Variants in AQP9 observed in about 807,000 individuals in gnomAD.
AQP9 encodes the protein aquaporin-9.
A neutral mutation model predicts 23.8 loss-of-function variants in AQP9; 19 were observed. The ratio of observed to expected loss-of-function variants is 0.80; its 90% confidence interval spans 0.56 to 1.17. The LOEUF (loss-of-function observed/expected upper bound fraction) is 1.17. AQP9 is among the 50% of genes most tolerant of loss of function. AQP9 has a pLI of 0.00. For missense variants in AQP9, 413 were observed against 362.0 expected (o/e 1.14, Z -1.14); for synonymous variants, 153 against 131.5 (o/e 1.16, Z -1.12).
intron 1 of AQP9, among the ~76,000 whole-genome samples, chr15:58,140,732 A>T (rs1003813092): frequency 6.6e-6 from 1 of 152,252 alleles, no homozygotes; most frequent in African/African-American, 2.4e-5. Flanking sequence ...ATGGCAGAGG[A>T]TATAAAGGAC....
At chr15:58,145,241 G>A (rs1198489494) in intron 1 of AQP9, among the ~76,000 whole-genome samples, 9 of 151,870 alleles carry the variant, frequency 5.9e-5, no homozygotes, top group Admixed American at 1.3e-4. Flanking sequence ...AATGGCTGAT[G>A]CCTGTAATCC....
chr15:58,175,053 C>T lies in AQP9; in HGVS notation c.495+17C>T, dbSNP rs1163399345. 1.3e-6 allele frequency: 2 copies of T among 1,587,196 alleles called. No homozygotes were observed. The highest frequency in any genetic ancestry group is 2.7e-5 in the African/African-American group (2 of 74,232). The stretch of plus-strand genomic sequence containing the variant: ...GCAGATCAAGTAAGTGTAGATTCAA[C>T]AAAGACTTAACTTTGGTGAAAAGAT... On this transcript the variant is annotated intron_variant, in intron 4 of 5. Transcript: ENST00000219919.
intron 1 of AQP9, among the ~76,000 whole-genome samples, chr15:58,144,995 T>A (rs1412776617): frequency 8.1e-6 from 1 of 123,396 alleles, no homozygotes; most frequent in Non-Finnish European, 1.6e-5. Flanking sequence ...GCCTGGGCGA[T>A]GAAGTGAGAC....
At chr15:58,173,299 A>T in intron 3 of AQP9, 94 bp downstream of exon 3, 6 of 1,544,288 alleles carry the variant, frequency 3.9e-6, no homozygotes, top group Non-Finnish European at 5.3e-6. Context: ...AAAAGCAAGG[A>T]CGGGAAGCAT....
chr15:58,181,695 G>A (rs1898891832), intron 5 of AQP9, among the ~76,000 whole-genome samples: 1 of 152,126 alleles, frequency 6.6e-6, no homozygotes, highest in Admixed American at 6.5e-5. Context: ...TGTTTTGTAG[G>A]TTATAGGGAG....
chr15:58,175,611 A>G (rs1056472769), intron 4 of AQP9, among the ~76,000 whole-genome samples: 2 of 152,204 alleles, frequency 1.3e-5, no homozygotes, highest in African/African-American at 4.8e-5. Context: ...AACATTGTCA[A>G]CTCAAAAGAC....
At chr15:58,177,298 C>T (rs1898780161) in intron 4 of AQP9, among the ~76,000 whole-genome samples, 1 of 152,226 alleles carries the variant, frequency 6.6e-6, no homozygotes. Flanking sequence ...CAGCTCTATA[C>T]TCTTCCTTCT....
chr15:58,139,530 G>T lies in AQP9; in HGVS notation c.111+854G>T, dbSNP rs74678760. Reference sequence around the variant, plus strand: ...ATGTGGCAACTATTGATTTCAACTGGTTTTTTTTATCCTGCTTAAGGATTT... The same window carrying T: ...ATGTGGCAACTATTGATTTCAACTGTTTTTTTTTATCCTGCTTAAGGATTT... On this transcript the variant is annotated intron_variant, in intron 1 of 5. Transcript: ENST00000219919. Among the ~76,000 whole-genome samples the T allele has an allele frequency of 5.4e-4, 82 of 152,070 alleles. 1 individual carries two copies. Among genetic ancestry groups the T allele is most frequent in the East Asian group, 3.9e-3 (20 of 5,180 alleles).
intron 1 of AQP9, chr15:58,154,202 C>T (rs1306686414): frequency 1.3e-5 from 2 of 152,164 alleles, no homozygotes; most frequent in Non-Finnish European, 2.9e-5. Flanking sequence ...GCTCCCCCAA[C>T]TCAAGTCTAT....
At chr15:58,165,085 C>T (rs1898470230) in intron 1 of AQP9, among the ~76,000 whole-genome samples, 1 of 152,120 alleles carries the variant, frequency 6.6e-6, no homozygotes, top group Non-Finnish European at 1.5e-5. Flanking sequence ...TTGCTCAATG[C>T]CAAGCCCTCC....
chr15:58,157,866 A>G (rs1335506998), intron 1 of AQP9, among the ~76,000 whole-genome samples: 7 of 152,284 alleles, frequency 4.6e-5, no homozygotes, highest in Middle Eastern at 3.4e-3. Flanking sequence ...GTCATCTCTG[A>G]GAAAGGAAGG....
In AQP9 at chr15:58,179,274, C is replaced by G; in HGVS notation, c.642C>G (p.Ala214=). 1.2e-6 allele frequency: 2 copies of G among 1,614,170 alleles called. No individual in the cohort carries two copies. Among genetic ancestry groups the G allele is most frequent in the Non-Finnish European group, 1.7e-6 (2 of 1,180,026 alleles). The part of the protein sequence containing the change: ...ASSLGLNSGC[A]MNPARDLSPR... ...CCCTGGGACTGAACAGTGGCTGTGC[C>G]ATGAACCCAGCTCGAGACCTGAGTC... The change falls in exon 5 of 6, where the codon GCC becomes GCG. Residue 214 remains alanine, a synonymous_variant. Coordinates refer to ENST00000219919, the MANE Select transcript of AQP9 (RefSeq NM_020980.5).
At chr15:58,179,406 G>A (rs1233213599) in intron 5 of AQP9, 61 bp downstream of exon 5, 8 of 1,457,902 alleles carry the variant, frequency 5.5e-6, no homozygotes, top group Non-Finnish European at 7.5e-6. Flanking sequence ...CAGTGGGGCG[G>A]GGCTTTGACA....
At chr15:58,138,707 C>A (rs765791375) in intron 1 of AQP9, 31 bp downstream of exon 1, 1 of 1,573,802 alleles carries the variant, frequency 6.4e-7, no homozygotes, top group Non-Finnish European at 8.7e-7. Flanking sequence ...TACATTCAGA[C>A]CCAATAATGC....
At chr15:58,181,259 AT>A (rs1898883120) in intron 5 of AQP9, among the ~76,000 whole-genome samples, 1 of 152,200 alleles carries the variant, frequency 6.6e-6, no homozygotes, top group South Asian at 2.1e-4. Flanking sequence ...TTATTCATTC[AT>A]GCAGCTACTT....
At chr15:58,166,245 G>A (rs146875783) in intron 1 of AQP9, among the ~76,000 whole-genome samples, 94 of 152,320 alleles carry the variant, frequency 6.2e-4, no homozygotes, top group African/African-American at 2.1e-3. Context: ...TACTGTGCTC[G>A]ATTATTTCCC....
chr15:58,150,075 G>A lies in AQP9; in HGVS notation c.111+11399G>A, dbSNP rs527256532. Among the ~76,000 whole-genome samples the A allele has an allele frequency of 2.0e-5, 3 of 152,304 alleles. No individual in the cohort carries two copies. The South Asian group carries it at 6.2e-4, about 32-fold the overall frequency. On this transcript the variant is annotated intron_variant, in intron 1 of 5. Coordinates refer to ENST00000219919, the MANE Select transcript of AQP9 (RefSeq NM_020980.5). ...CCAGACCTTAAGACAGGAGTCAACA[G>A]CTCCAAAGGTAAGTGAGACCGAACA...
At chr15:58,176,616 C>CTTTTT (rs11296169) in intron 4 of AQP9, among the ~76,000 whole-genome samples, 1 of 135,424 alleles carries the variant, frequency 7.4e-6, no homozygotes. Context: ...TTTCTCTAAG[C>CTTTTT]TTTTTTTTTT....
intron 3 of AQP9, 66 bp from the exon 4 acceptor site, chr15:58,174,852 C>T: frequency 1.5e-6 from 2 of 1,373,762 alleles, no homozygotes; most frequent in Non-Finnish European, 1.0e-6. Flanking sequence ...TAGCACAAGG[C>T]TTGGCACAGG....
Sources: allele counts gnomAD v4.1 joint callset (sites outside exome capture counted in the v4.1 genomes callset), GRCh38; gene constraint gnomAD v4.1.1; transcripts MANE v1.5; gene names NCBI Gene and HGNC (gene_info 2026-07-23, HGNC 2026-07-21).